Variants in NBEA observed in about 807,000 individuals in gnomAD.
NBEA encodes lysosomal-trafficking regulator 2.
In NBEA, 44 loss-of-function variants were observed where a neutral mutation model predicts 343.4. The observed-to-expected ratio is 0.13, with a 90% confidence interval of 0.10 to 0.16. The LOEUF (loss-of-function observed/expected upper bound fraction) is 0.16. Ranked by LOEUF, NBEA falls within the 10% of genes least tolerant of loss-of-function variation. The pLI, the probability that NBEA is intolerant of heterozygous loss-of-function variation, is 1.00. For missense variants in NBEA, 2,555 were observed against 3,631.3 expected, an observed-to-expected ratio of 0.70 and a Z score of 7.62; for synonymous variants, 1,175 against 1,238.7, an observed-to-expected ratio of 0.95 and a Z score of 1.08.
intron 34 of NBEA, among the ~76,000 whole-genome samples, chr13:35,265,590 G>A (rs774294410): frequency 4.6e-5 from 7 of 151,630 alleles, no homozygotes; most frequent in East Asian, 1.9e-4. Context: ...TTTTGACAAC[G>A]GTGCCTAAAA....
At chr13:35,478,788 C>T (rs930562388) in intron 41 of NBEA, among the ~76,000 whole-genome samples, 1 of 152,216 alleles carries the variant, frequency 6.6e-6, no homozygotes, top group African/African-American at 2.4e-5. Flanking sequence ...AGATGCTTGC[C>T]CCAAGACCTC....
intron 48 of NBEA, among the ~76,000 whole-genome samples, chr13:35,615,679 C>A (rs2082710241): frequency 6.6e-6 from 1 of 152,124 alleles, no homozygotes; most frequent in Admixed American, 6.5e-5. Context: ...AATACCACCA[C>A]CTTATCAAGG....
chr13:35,648,180 C>CTTT (rs949635885), intron 51 of NBEA, among the ~76,000 whole-genome samples: 7 of 104,152 alleles, frequency 6.7e-5, no homozygotes, highest in Middle Eastern at 5.0e-3. Flanking sequence ...TGTTTAAACT[C>CTTT]TTTTTTTTTT....
chr13:35,324,309 G>A (rs2038388597), intron 36 of NBEA, among the ~76,000 whole-genome samples: 1 of 152,288 alleles, frequency 6.6e-6, no homozygotes, highest in African/African-American at 2.4e-5. Flanking sequence ...AGAATATTGA[G>A]TTACATGGAC....
Position 35,463,909 on chromosome 13 carries a change from A to G in NBEA, c.6449-8491A>G, listed in dbSNP as rs139199798. Among the ~76,000 whole-genome samples the G allele has an allele frequency of 3.9e-3, 594 of 152,282 alleles. 4 individuals carry two copies. Among genetic ancestry groups the G allele is most frequent in the African/African-American group, 0.014 (567 of 41,566 alleles). ...CTACCTCAAACAAGAGGAAAGATAT[A>G]TTTCCAGAAACTGCTGAAAAACAGT... On this transcript the variant is annotated intron_variant, in intron 40 of 58. Coordinates refer to ENST00000379939, the MANE Select transcript of NBEA (RefSeq NM_001385012.1).
At chr13:35,361,436 G>A (rs2040800392) in intron 38 of NBEA, among the ~76,000 whole-genome samples, 2 of 152,094 alleles carry the variant, frequency 1.3e-5, no homozygotes, top group South Asian at 4.1e-4. Context: ...GCAATGTAGT[G>A]GAGAAATGAT....
intron 31 of NBEA, among the ~76,000 whole-genome samples, chr13:35,207,870 GTTTA>G (rs1389222724): frequency 6.6e-6 from 1 of 152,046 alleles, no homozygotes; most frequent in Non-Finnish European, 1.5e-5. Flanking sequence ...GCTCTTAGAA[GTTTA>G]TTTATTATTC....
intron 24 of NBEA, among the ~76,000 whole-genome samples, chr13:35,166,015 T>C (rs923037162): frequency 1.3e-5 from 2 of 152,122 alleles, no homozygotes; most frequent in Non-Finnish European, 2.9e-5. Flanking sequence ...TATTGAAGAC[T>C]GAATAAATCA....
At chr13:35,237,030 G>C (rs191863657) in intron 34 of NBEA, among the ~76,000 whole-genome samples, 1 of 152,208 alleles carries the variant, frequency 6.6e-6, no homozygotes, top group African/African-American at 2.4e-5. Flanking sequence ...GGCGAAAGCA[G>C]ATGTATTGCT....
intron 10 of NBEA, among the ~76,000 whole-genome samples, chr13:35,092,810 A>T (rs931131754): frequency 1.3e-5 from 2 of 152,026 alleles, no homozygotes; most frequent in Admixed American, 1.3e-4. Flanking sequence ...TTAAATATAC[A>T]CTTATTGTAT....
chr13:35,201,935 A>C (rs2073050428), intron 31 of NBEA, among the ~76,000 whole-genome samples: 1 of 151,972 alleles, frequency 6.6e-6, no homozygotes, highest in Non-Finnish European at 1.5e-5. Flanking sequence ...TATCTTTTAC[A>C]TTTATGCCAT....
At chr13:35,657,835 G>T (rs2084891407) in intron 55 of NBEA, among the ~76,000 whole-genome samples, 1 of 152,192 alleles carries the variant, frequency 6.6e-6, no homozygotes, top group Admixed American at 6.5e-5. Context: ...AATGATGCAA[G>T]TGTTATTTCC....
At chr13:35,618,026 C>T (rs1196713553) in intron 48 of NBEA, among the ~76,000 whole-genome samples, 2 of 151,966 alleles carry the variant, frequency 1.3e-5, no homozygotes, top group Admixed American at 6.6e-5. Flanking sequence ...CTGGGTAATT[C>T]ATACAGGATT....
intron 10 of NBEA, among the ~76,000 whole-genome samples, chr13:35,076,657 C>A (rs1014258883): frequency 2.0e-5 from 3 of 151,998 alleles, no homozygotes; most frequent in Non-Finnish European, 2.9e-5. Context: ...AAAAAAGGCA[C>A]CTTTTTGGCA....
At chr13:35,422,867 G>A (rs2044387963) in intron 38 of NBEA, among the ~76,000 whole-genome samples, 1 of 152,180 alleles carries the variant, frequency 6.6e-6, no homozygotes, top group Non-Finnish European at 1.5e-5. Flanking sequence ...GTATCTCATT[G>A]TGGTTTTGAT....
chr13:35,290,134 C>T (rs553400410), intron 34 of NBEA, among the ~76,000 whole-genome samples: 4 of 151,662 alleles, frequency 2.6e-5, no homozygotes, highest in East Asian at 1.9e-4. Flanking sequence ...AGTCAGTTTT[C>T]GAGTATTTTC....
rs1025832353 is a variant in NBEA, at chr13:35,297,147, T to A, written c.5838+6697T>A. Among the ~76,000 whole-genome samples the A allele has an allele frequency of 2.6e-5, 4 of 152,094 alleles. No homozygotes were observed. In the East Asian group the frequency reaches 7.7e-4, roughly 29 times the overall value. The stretch of plus-strand genomic sequence containing the variant: ...TTACATGTGTTCATTTGTATGTATA[T>A]GTAACTCAATACAATTTTATTCCAA... On this transcript the variant is annotated intron_variant, in intron 35 of 58. Transcript: ENST00000379939.
chr13:35,221,904 GA>G (rs1231099929), intron 33 of NBEA, among the ~76,000 whole-genome samples: 1 of 152,090 alleles, frequency 6.6e-6, no homozygotes, highest in African/African-American at 2.4e-5. Flanking sequence ...GAGCGGTCCA[GA>G]AACCAAAATC....
chr13:35,164,291 C>G, intron 23 of NBEA, 65 bp from the exon 24 acceptor site: 1 of 1,372,640 alleles, frequency 7.3e-7, no homozygotes. Flanking sequence ...ACTTGTTATT[C>G]TAATTGTCTA....
Sources: allele counts gnomAD v4.1 joint callset (sites outside exome capture counted in the v4.1 genomes callset), GRCh38; gene constraint gnomAD v4.1.1; transcripts MANE v1.5; gene names NCBI Gene and HGNC (gene_info 2026-07-23, HGNC 2026-07-21).